Variants in GDPD5 observed in about 807,000 individuals in gnomAD.
GDPD5 encodes the protein glycerophosphodiester phosphodiesterase 2.
In GDPD5, 48 loss-of-function variants were observed where a neutral mutation model predicts 75.1. The observed-to-expected ratio is 0.64, with a 90% CI of 0.51 to 0.81. GDPD5 has a LOEUF of 0.81. Ranked by LOEUF, GDPD5 falls within the 40% of genes least tolerant of loss-of-function variation. The probability of loss-of-function intolerance (pLI) is 0.00; values close to 1 mark genes in which losing one functional copy is unlikely to be tolerated. For missense variants in GDPD5, 706 were observed against 822.6 expected (o/e 0.86, Z 1.73); for synonymous variants, 336 against 339.0 (o/e 0.99, Z 0.10).
At chr11:75,505,476 T>C (rs1950377814) in intron 1 of GDPD5, among the ~76,000 whole-genome samples, 2 of 152,274 alleles carry the variant, frequency 1.3e-5, no homozygotes, top group Middle Eastern at 3.4e-3. Context: ...GGCCAGTCCT[T>C]TTCCTTGTGG....
At chr11:75,451,601 C>G (rs1292470465) in intron 6 of GDPD5, 1 of 152,274 alleles carries the variant, frequency 6.6e-6, no homozygotes, top group Non-Finnish European at 1.5e-5. Context: ...CCTGAGAACC[C>G]CGCCCTCGGC....
Position 75,435,348 on chromosome 11 carries a change from G to T in GDPD5, c.*159C>A. ...CCAGCTGGGCCTCAGGAGACAGGGA[G>T]TCCCCCTCAAGAGAGGCTGCGGCTG... is the stretch of plus-strand genomic sequence containing the variant. On this transcript the variant is annotated 3_prime_UTR_variant, in exon 17 of 17. Transcript: ENST00000336898. The T allele has an allele frequency of 1.7e-6, 1 of 595,822 alleles. No individual in the cohort carries two copies. Among genetic ancestry groups the T allele is most frequent in the Non-Finnish European group, 2.8e-6 (1 of 357,740 alleles). The allele number at this position is 595,822 out of a possible 1,614,324, so 36.9% of individuals were successfully genotyped here.
In GDPD5 at chr11:75,435,216, C is replaced by G. The variant is rs567358812; in HGVS notation, c.*291G>C. ...CCATGACCCATCAAAGCTTCCAGGT[C>G]GGGATACAGGAGAGGGCCTCAGAAG... On this transcript the variant is annotated 3_prime_UTR_variant, in exon 17 of 17. Transcript: ENST00000336898. 1.3e-5 allele frequency: 4 copies of G among 314,622 alleles called. No homozygotes were observed. The highest frequency in any genetic ancestry group is 2.4e-5 in the Non-Finnish European group (4 of 170,064). 19.5% of individuals were successfully genotyped at this position (314,622 alleles called of 1,614,324 possible). A position where few individuals can be genotyped will look rare whatever the true frequency, so the allele number is the denominator to read the frequency against.
At chr11:75,459,928 TC>T (rs1361846735) in intron 4 of GDPD5, among the ~76,000 whole-genome samples, 1 of 152,110 alleles carries the variant, frequency 6.6e-6, no homozygotes, top group Non-Finnish European at 1.5e-5. Context: ...CTGGGCAGCT[TC>T]AGCCTGCTGT....
At chr11:75,460,569 C>T (rs901856505) in intron 4 of GDPD5, among the ~76,000 whole-genome samples, 1 of 152,084 alleles carries the variant, frequency 6.6e-6, no homozygotes, top group Non-Finnish European at 1.5e-5. Context: ...CTCAGCCTCC[C>T]GAGTAGCTGG....
chr11:75,488,983 T>C (rs1258933727), intron 2 of GDPD5, among the ~76,000 whole-genome samples: 2 of 152,190 alleles, frequency 1.3e-5, no homozygotes, highest in African/African-American at 4.8e-5. Flanking sequence ...AGAGGACCTA[T>C]GTCCCCTGCA....
chr11:75,440,301 G>GC (rs1565179367), intron 14 of GDPD5, among the ~76,000 whole-genome samples: 2 of 152,034 alleles, frequency 1.3e-5, no homozygotes, highest in African/African-American at 4.8e-5. Context: ...TGGCTTTGCC[G>GC]CCCCCCGCTG....
chr11:75,437,138 G>T, intron 15 of GDPD5, 90 bp from the exon 16 acceptor site: 1 of 907,372 alleles, frequency 1.1e-6, no homozygotes, highest in Non-Finnish European at 1.8e-6. Context: ...CTCTGGATGT[G>T]GCCCAAGAGA....
At chr11:75,466,833 A>G (rs985104846) in intron 3 of GDPD5, among the ~76,000 whole-genome samples, 11 of 151,916 alleles carry the variant, frequency 7.2e-5, no homozygotes. Flanking sequence ...AGTGGAGGGG[A>G]GTCAGAGGGG....
At chr11:75,498,337 G>A (rs545240089) in intron 1 of GDPD5, among the ~76,000 whole-genome samples, 2 of 152,374 alleles carry the variant, frequency 1.3e-5, no homozygotes, top group East Asian at 3.9e-4. Context: ...GTTCCCCCAA[G>A]TGATCCCTGA....
intron 1 of GDPD5, among the ~76,000 whole-genome samples, chr11:75,501,101 C>G (rs1950296311): frequency 1.3e-5 from 2 of 152,222 alleles, no homozygotes. Context: ...CCAAGTGCAG[C>G]ATGAGGGGTC....
At chr11:75,481,634 C>T (rs758113769) in intron 2 of GDPD5, among the ~76,000 whole-genome samples, 13 of 152,144 alleles carry the variant, frequency 8.5e-5, no homozygotes, top group South Asian at 6.2e-4. Context: ...GGGAGTGCTG[C>T]GTGCCCACAT....
chr11:75,485,968 G>A (rs751640661), intron 2 of GDPD5, among the ~76,000 whole-genome samples: 2 of 152,136 alleles, frequency 1.3e-5, no homozygotes, highest in African/African-American at 2.4e-5. Flanking sequence ...GGCTGCCCTC[G>A]CGGGGCCTCA....
At chr11:75,497,930 A>T (rs1255875449) in intron 1 of GDPD5, among the ~76,000 whole-genome samples, 1 of 152,240 alleles carries the variant, frequency 6.6e-6, no homozygotes, top group Admixed American at 6.5e-5. Context: ...GCAGGGATTA[A>T]CACCATGTTA....
intron 2 of GDPD5, among the ~76,000 whole-genome samples, chr11:75,478,769 C>T (rs535558945): frequency 6.6e-5 from 10 of 152,268 alleles, no homozygotes; most frequent in South Asian, 2.1e-4. Flanking sequence ...CACCAGGCAC[C>T]GTGTAAATAC....
chr11:75,493,229 T>TCTCA (rs774632683), intron 1 of GDPD5, among the ~76,000 whole-genome samples: 19 of 141,006 alleles, frequency 1.3e-4, no homozygotes, highest in African/African-American at 4.8e-4. Flanking sequence ...CCCACACATC[T>TCTCA]CACACACACA....
chr11:75,446,917 CTT>C (rs776287878), intron 9 of GDPD5, among the ~76,000 whole-genome samples: 25 of 152,132 alleles, frequency 1.6e-4, no homozygotes, highest in Non-Finnish European at 2.9e-4. Context: ...GAATTTCACT[CTT>C]GTTGCCCAGG....
intron 3 of GDPD5, among the ~76,000 whole-genome samples, chr11:75,470,670 C>A (rs1949641600): frequency 6.6e-6 from 1 of 152,022 alleles, no homozygotes; most frequent in South Asian, 2.1e-4. Context: ...CAAATGTATG[C>A]CTTCAAAATG....
rs1371103522 is a variant in GDPD5 at position 75,477,758 on chromosome 11, C to T, written c.-23G>A. ...CATACTCGTGCCCACGGCCCTGGCG[C>T]CTGGCCCTCAGGCGCCCATGGAGGC... On this transcript the variant is annotated 5_prime_UTR_variant, in exon 3 of 17. Transcript: ENST00000336898. 1 of 1,518,638 alleles carries T rather than the reference C, an allele frequency of 6.6e-7. No homozygotes were observed. Among genetic ancestry groups the T allele is most frequent in the South Asian group, 1.2e-5 (1 of 81,132 alleles). The allele number at this position is 1,518,638 out of a possible 1,614,324, so 94.1% of individuals were successfully genotyped here.
Sources: gnomAD v4.1 joint callset for allele counts (sites outside exome capture counted in the v4.1 genomes callset) on GRCh38, gnomAD v4.1.1 for gene constraint, MANE v1.5 for transcripts, NCBI Gene and HGNC (gene_info 2026-07-23, HGNC 2026-07-21) for gene names.